Variants in ZNF804B observed in about 807,000 individuals in gnomAD.
The protein encoded by ZNF804B is zinc finger protein 804B, also known as zinc finger 804B.
A neutral mutation model predicts 101.4 loss-of-function variants in ZNF804B; 80 were observed. That is an observed-to-expected ratio of 0.79 (90% confidence interval 0.66 to 0.95). The LOEUF is 0.95. Among genes scored for constraint, ZNF804B ranks in the 40% least tolerant of loss-of-function variants. ZNF804B has a pLI of 0.00. For missense variants in ZNF804B, 1,673 were observed against 1,561.9 expected, an observed-to-expected ratio of 1.07 and a Z score of -1.20; for synonymous variants, 622 against 558.8, an observed-to-expected ratio of 1.11 and a Z score of -1.59.
chr7:88,892,200 AC>A (rs1792224277), intron 1 of ZNF804B, among the ~76,000 whole-genome samples: 1 of 152,086 alleles, frequency 6.6e-6, no homozygotes, highest in Admixed American at 6.6e-5. Flanking sequence ...ATTTAGATCT[AC>A]ATTTATTTTC....
intron 1 of ZNF804B, among the ~76,000 whole-genome samples, chr7:89,145,081 G>A (rs1790772837): frequency 6.6e-6 from 1 of 151,678 alleles, no homozygotes; most frequent in Admixed American, 6.6e-5. Context: ...ACTCCAGCCT[G>A]GGTGACAGAG....
chr7:89,120,484 C>T (rs1790385439), intron 1 of ZNF804B, among the ~76,000 whole-genome samples: 1 of 151,516 alleles, frequency 6.6e-6, no homozygotes, highest in Admixed American at 6.6e-5. Context: ...GGTGAAACCC[C>T]GTCTCTACTA....
chr7:89,128,533 T>C (rs1261002541), intron 1 of ZNF804B, among the ~76,000 whole-genome samples: 2 of 152,084 alleles, frequency 1.3e-5, no homozygotes, highest in East Asian at 1.9e-4. Flanking sequence ...ATGCAGAAAA[T>C]GTGAAATCTC....
At chr7:88,830,342 C>CA (rs201918081) in intron 1 of ZNF804B, among the ~76,000 whole-genome samples, 5,903 of 151,318 alleles carry the variant, frequency 0.039, 148 homozygotes, top group Non-Finnish European at 0.059. Context: ...AGAAATTTAG[C>CA]AAAAAAAAGA....
At chr7:88,892,202 A>T (rs1240550592) in intron 1 of ZNF804B, among the ~76,000 whole-genome samples, 1 of 152,070 alleles carries the variant, frequency 6.6e-6, no homozygotes, top group African/African-American at 2.4e-5. Flanking sequence ...TTAGATCTAC[A>T]TTTATTTTCT....
At chr7:89,140,473 C>T (rs764427208) in intron 1 of ZNF804B, among the ~76,000 whole-genome samples, 1 of 152,052 alleles carries the variant, frequency 6.6e-6, no homozygotes, top group East Asian at 1.9e-4. Flanking sequence ...GTTCCTTATG[C>T]TACATTGAAA....
chr7:88,912,421 C>T (rs1010964059), intron 1 of ZNF804B, among the ~76,000 whole-genome samples: 1 of 152,046 alleles, frequency 6.6e-6, no homozygotes, highest in Non-Finnish European at 1.5e-5. Context: ...TGGTGAGCAA[C>T]ATTTTTTAAT....
chr7:89,067,384 C>G (rs1789469977), intron 1 of ZNF804B, among the ~76,000 whole-genome samples: 1 of 152,164 alleles, frequency 6.6e-6, no homozygotes. Context: ...CATTTAGTGG[C>G]AGATACTCCA....
chr7:88,772,008 TA>T (rs1790073067), intron 1 of ZNF804B, among the ~76,000 whole-genome samples: 2 of 152,168 alleles, frequency 1.3e-5, no homozygotes, highest in African/African-American at 4.8e-5. Context: ...TGCATGAAGA[TA>T]AAATACAAAT....
At chr7:89,115,629 C>A (rs1053703629) in intron 1 of ZNF804B, among the ~76,000 whole-genome samples, 2 of 152,134 alleles carry the variant, frequency 1.3e-5, no homozygotes, top group Non-Finnish European at 2.9e-5. Context: ...AATCCTGTAC[C>A]TCTTGGAAAG....
chr7:89,110,689 A>G (rs536369051), intron 1 of ZNF804B, among the ~76,000 whole-genome samples: 47 of 152,202 alleles, frequency 3.1e-4, no homozygotes, highest in Non-Finnish European at 5.6e-4. Flanking sequence ...GTTACAATTA[A>G]TGAACCAAAA....
intron 1 of ZNF804B, among the ~76,000 whole-genome samples, chr7:88,873,992 T>C (rs542715139): frequency 6.6e-6 from 1 of 152,296 alleles, no homozygotes; most frequent in Admixed American, 6.5e-5. Flanking sequence ...AGTAGTTTTT[T>C]CCAGTTCTGG....
intron 1 of ZNF804B, among the ~76,000 whole-genome samples, chr7:88,761,331 C>G (rs983248410): frequency 6.6e-6 from 1 of 152,092 alleles, no homozygotes; most frequent in African/African-American, 2.4e-5. Context: ...AGTACTGAGT[C>G]AGAACTGTTA....
chr7:88,905,646 C>A (rs537041037), intron 1 of ZNF804B, among the ~76,000 whole-genome samples: 1 of 152,148 alleles, frequency 6.6e-6, no homozygotes, highest in Admixed American at 6.6e-5. Context: ...GCAGGAGCCA[C>A]CACACCTGGC....
Position 89,333,663 on chromosome 7 carries a change from G to A in ZNF804B, c.681G>A (p.Val227=), listed in dbSNP as rs1230963888. 5 of 1,613,238 alleles carry A rather than the reference G, an allele frequency of 3.1e-6. No homozygotes were observed. The highest frequency in any genetic ancestry group is 4.2e-6 in the Non-Finnish European group (5 of 1,179,636). ...TATCATTTACTTTTTCCAAAAAAGT[G>A]CACCTAAAATTAGAATCTTCAGCAT... ...TGVSFTFSKK[V]HLKLESSASV... is the part of the protein sequence containing the mutation. The change falls in exon 4 of 4, where the codon GTG becomes GTA. Residue 227 remains valine (V), a synonymous_variant. Coordinates refer to ENST00000333190, the MANE Select transcript of ZNF804B (RefSeq NM_181646.5).
chr7:89,176,391 C>T (rs975171578), intron 1 of ZNF804B, among the ~76,000 whole-genome samples: 6 of 151,892 alleles, frequency 4.0e-5, no homozygotes, highest in African/African-American at 1.4e-4. Flanking sequence ...TATGATGTAG[C>T]ACATTGACTG....
chr7:88,944,698 A>G (rs185062713), intron 1 of ZNF804B, among the ~76,000 whole-genome samples: 5 of 151,966 alleles, frequency 3.3e-5, no homozygotes, highest in African/African-American at 7.2e-5. Flanking sequence ...AAAATATACA[A>G]AAGGATGTGT....
chr7:89,142,287 TTTTG>T (rs1312057226), intron 1 of ZNF804B, among the ~76,000 whole-genome samples: 2 of 148,630 alleles, frequency 1.3e-5, no homozygotes, highest in African/African-American at 5.1e-5. Context: ...TTTTGTTGTT[TTTTG>T]TTTTATTTTT....
chr7:88,991,168 GA>G (rs1793839513), intron 1 of ZNF804B, among the ~76,000 whole-genome samples: 1 of 152,114 alleles, frequency 6.6e-6, no homozygotes, highest in Non-Finnish European at 1.5e-5. Flanking sequence ...ATTTAACACT[GA>G]TTTGATTTTC....
Sources: gnomAD v4.1 joint callset for allele counts (sites outside exome capture counted in the v4.1 genomes callset) on GRCh38, gnomAD v4.1.1 for gene constraint, MANE v1.5 for transcripts, NCBI Gene and HGNC (gene_info 2026-07-23, HGNC 2026-07-21) for gene names.